The following GPR55 variants were observed in gnomAD, a reference collection of about 807,000 sequenced individuals.
GPR55 encodes the protein G protein-coupled receptor 55.
Under a neutral mutation model 7.9 loss-of-function variants are expected in GPR55, and 6 were observed. The observed-to-expected ratio is 0.76, with a 90% CI of 0.41 to 1.49. The LOEUF (loss-of-function observed/expected upper bound fraction) is 1.49. Among genes scored for constraint, GPR55 ranks in the 40% most tolerant of loss-of-function variants. GPR55 has a pLI of 0.01. For synonymous variants in GPR55, 183 were observed against 166.8 expected, an observed-to-expected ratio of 1.10 and a Z score of -0.75; for missense variants, 376 against 406.0, an observed-to-expected ratio of 0.93 and a Z score of 0.63.
chr2:230,916,339 T>C (rs936105654), intron 1 of GPR55, among the ~76,000 whole-genome samples: 6 of 149,346 alleles, frequency 4.0e-5, no homozygotes, highest in Non-Finnish European at 8.9e-5. Flanking sequence ...CTAGGCAACA[T>C]AGTGAAACCC....
upstream of GPR55, among the ~76,000 whole-genome samples, chr2:230,925,732 G>A (rs1055124115): frequency 1.5e-4 from 23 of 152,292 alleles, no homozygotes; most frequent in South Asian, 3.3e-3. Context: ...TAGGACTTGC[G>A]TGCCTAGCGT....
chr2:230,946,235 G>A (rs573940017), intron 1 of GPR55, among the ~76,000 whole-genome samples: 1 of 152,304 alleles, frequency 6.6e-6, no homozygotes, highest in African/African-American at 2.4e-5. Context: ...GGAAGGGGGA[G>A]ATGTTGGTCA....
In GPR55 at chr2:230,910,684, C is replaced by G. The variant is rs1204948910; in HGVS notation, c.279G>C (p.Leu93=). Residue 93 remains leucine, a synonymous_variant, in exon 2 of 2, where the codon CTG becomes CTC. Transcript: ENST00000650999. This position sits in a 1 kb window ranked among gnomAD's most constrained non-coding sequence, Gnocchi z 5.4. The part of the protein sequence containing the change: ...LSQVQSPFPS[L]CTLVECLYFV... Reference sequence around the variant, plus strand: ...AGTAAAGGCACTCCACCAGGGTGCACAGGGACGGGAAGGGGGACTGTACCT... The same window carrying G: ...AGTAAAGGCACTCCACCAGGGTGCAGAGGGACGGGAAGGGGGACTGTACCT... The G allele has an allele frequency of 6.2e-7, 1 of 1,613,304 alleles. No individual in the cohort carries two copies. The highest frequency in any genetic ancestry group is 1.3e-5 in the African/African-American group (1 of 74,980).
chr2:230,928,853 C>T (rs896396696), upstream of GPR55, among the ~76,000 whole-genome samples: 5 of 152,108 alleles, frequency 3.3e-5, no homozygotes, highest in African/African-American at 1.2e-4. Context: ...ACCCTCTGCT[C>T]CAACCCTCCA....
intron 1 of GPR55, among the ~76,000 whole-genome samples, chr2:230,917,325 T>C (rs1690738048): frequency 6.6e-6 from 1 of 152,188 alleles, no homozygotes; most frequent in Non-Finnish European, 1.5e-5. Context: ...ATATGATTAA[T>C]ACAGTTTAAT....
chr2:230,928,126 G>A (rs1449992872), upstream of GPR55, among the ~76,000 whole-genome samples: 1 of 152,222 alleles, frequency 6.6e-6, no homozygotes, highest in Non-Finnish European at 1.5e-5. Context: ...GGGAATGGCA[G>A]GAGCCGAGGC....
rs1236997002 is a variant in GPR55 at position 230,944,875 on chromosome 2, C to A, written c.-135+15900G>T. Among the ~76,000 whole-genome samples, 1 of 152,228 alleles carries A rather than the reference C, an allele frequency of 6.6e-6. No homozygotes were observed. The highest frequency in any genetic ancestry group is 1.9e-4 in the East Asian group (1 of 5,196). On this transcript the variant is annotated intron_variant, in intron 1 of 1. Transcript: ENST00000392039. This position sits in a 1 kb window ranked among gnomAD's most constrained non-coding sequence, Gnocchi z 4.2. The stretch of plus-strand genomic sequence containing the variant: ...GCCCTCCAAGAATCATTCTTGATGC[C>A]CTGCAAATACCAGGCGCTGCGCTAG...
At position 230,920,907 on chromosome 2, in the gene GPR55, T is replaced by C. The variant is rs1466489265; in HGVS notation, c.-135+4261A>G. 2.0e-5 allele frequency among the ~76,000 whole-genome samples: 3 copies of C among 151,974 alleles called. No homozygotes were observed. The East Asian group carries it at 5.8e-4, about 29-fold the overall frequency. On this transcript the variant is annotated intron_variant, in intron 1 of 1. Coordinates refer to ENST00000650999, the MANE Select transcript of GPR55 (RefSeq NM_005683.4). ...TATATTAATCTATTAAAACCAACCA[T>C]CAATTTAAAAAAAACAAAATTCAAT...
At position 230,923,646 on chromosome 2, in the gene GPR55, A is replaced by C. The variant is rs965820378; in HGVS notation, c.-135+1522T>G. ...GGAGAGGGGAGGGGCCGGCTTGGGG[A>C]CGTGAAAGGTGGCCAGCAGTGTGCT... On this transcript the variant is annotated intron_variant, in intron 1 of 1. Transcript: ENST00000650999. This position sits in a 1 kb window ranked among gnomAD's most constrained non-coding sequence, Gnocchi z 4.1. Among the ~76,000 whole-genome samples the C allele has an allele frequency of 2.6e-5, 4 of 151,980 alleles. No homozygotes were observed. Among genetic ancestry groups the C allele is most frequent in the African/African-American group, 9.7e-5 (4 of 41,360 alleles).
intron 1 of GPR55, among the ~76,000 whole-genome samples, chr2:230,915,826 A>G (rs964972942): frequency 3.0e-5 from 4 of 133,460 alleles, no homozygotes; most frequent in Non-Finnish European, 4.6e-5. Flanking sequence ...TTTCGTATCC[A>G]ACCAGGCGTT....
chr2:230,924,827 C>T lies in GPR55; in HGVS notation c.-135+341G>A, dbSNP rs1013306887. Reference sequence around the variant, plus strand: ...AGGGCGGTGGCACGTGAGCTACATGCCCCGGGAAGGCTCCCAGGCTGCCTA... The same window carrying T: ...AGGGCGGTGGCACGTGAGCTACATGTCCCGGGAAGGCTCCCAGGCTGCCTA... On this transcript the variant is annotated intron_variant, in intron 1 of 1. Coordinates refer to ENST00000650999, the MANE Select transcript of GPR55 (RefSeq NM_005683.4). The surrounding 1 kb of genome is among the most constrained non-coding windows in gnomAD (Gnocchi z 4.5). Among the ~76,000 whole-genome samples the T allele has an allele frequency of 7.3e-4, 111 of 152,092 alleles. 1 individual carries two copies. Among genetic ancestry groups the T allele is most frequent in the Admixed American group, 7.1e-3 (109 of 15,264 alleles).
intron 1 of GPR55, among the ~76,000 whole-genome samples, chr2:230,936,091 C>T (rs2125063831): frequency 6.6e-6 from 1 of 152,236 alleles, no homozygotes; most frequent in Admixed American, 6.5e-5. Flanking sequence ...GACTGGAATG[C>T]ACAAAGGTGG....
At position 230,910,529 on chromosome 2, in the gene GPR55, A is replaced by G. The variant is rs1282353009; in HGVS notation, c.434T>C (p.Ile145Thr). 1 of 1,614,144 alleles carries G rather than the reference A, an allele frequency of 6.2e-7. No individual in the cohort carries two copies. The highest frequency in any genetic ancestry group is 8.5e-7 in the Non-Finnish European group (1 of 1,179,986). Residue 145 changes from isoleucine to threonine, a missense_variant, in exon 2 of 2, where the codon ATC (isoleucine) becomes ACC (threonine). Ile to Thr is a moderately conservative substitution (Grantham distance 89). Coordinates refer to ENST00000650999, the MANE Select transcript of GPR55 (RefSeq NM_005683.4). This position sits in a 1 kb window ranked among gnomAD's most constrained non-coding sequence, Gnocchi z 5.4. ...GCTTCCGGTCCACACCAGGACCCAG[A>G]TGGTGCAGCAGATCCCAAAGATCTT... The part of the protein sequence containing the change: ...PRKIFGICCT[I>T]WVLVWTGSIP...
At chr2:230,940,661 G>C (rs1454966043) in intron 1 of GPR55, among the ~76,000 whole-genome samples, 3 of 152,324 alleles carry the variant, frequency 2.0e-5, no homozygotes, top group African/African-American at 7.2e-5. Context: ...TGCCTCCCTG[G>C]GGGCCCATGC....
chr2:230,941,092 G>C (rs571268591), intron 1 of GPR55, among the ~76,000 whole-genome samples: 14 of 151,982 alleles, frequency 9.2e-5, no homozygotes, highest in Non-Finnish European at 2.1e-4. Flanking sequence ...ACTCCAGCCC[G>C]GGCGACAGAG....
intron 1 of GPR55, among the ~76,000 whole-genome samples, chr2:230,914,542 TGTA>T (rs1240472160): frequency 2.2e-5 from 3 of 133,384 alleles, no homozygotes; most frequent in African/African-American, 1.2e-4. Flanking sequence ...GAAGCCTCAC[TGTA>T]GTAAGATAAA....
At chr2:230,920,989 G>A (rs565266966) in intron 1 of GPR55, among the ~76,000 whole-genome samples, 1 of 152,176 alleles carries the variant, frequency 6.6e-6, no homozygotes, top group Non-Finnish European at 1.5e-5. Flanking sequence ...TAAAATGATA[G>A]CATAATCTTT....
At chr2:230,957,515 G>A (rs1691509781) in intron 1 of GPR55, 3 of 363,594 alleles carry the variant, frequency 8.3e-6, no homozygotes, top group Non-Finnish European at 1.6e-5. Context: ...GGCGGGACGG[G>A]GAGGGGCGCG....
upstream of GPR55, among the ~76,000 whole-genome samples, chr2:230,927,651 G>A (rs1690965097): frequency 6.6e-6 from 1 of 152,234 alleles, no homozygotes; most frequent in African/African-American, 2.4e-5. Flanking sequence ...CCCCGAGTTG[G>A]GGGGTTTGGG....
Sources: allele counts gnomAD v4.1 joint callset (sites outside exome capture counted in the v4.1 genomes callset), GRCh38; gene constraint gnomAD v4.1.1; non-coding constraint Gnocchi (gnomAD v3.1); transcripts MANE v1.5; gene names NCBI Gene and HGNC (gene_info 2026-07-23, HGNC 2026-07-21).